RBM26: variants seen among roughly 807,000 people sequenced by gnomAD.
The protein encoded by RBM26 is RNA-binding protein 26.
RBM26 carries 30 observed loss-of-function variants against 123.6 expected under a neutral mutation model. That is an observed-to-expected ratio of 0.24 (90% CI 0.18 to 0.33). RBM26 has a LOEUF of 0.33. Ranked by LOEUF, RBM26 falls within the 10% of genes least tolerant of loss-of-function variation. RBM26 has a pLI of 1.00. For synonymous variants in RBM26, 400 were observed against 404.4 expected (o/e 0.99, Z 0.13); for missense variants, 947 against 1,203.6 (o/e 0.79, Z 3.15).
intron 1 of RBM26, among the ~76,000 whole-genome samples, chr13:79,402,010 T>C (rs1281743609): frequency 7.3e-6 from 1 of 137,040 alleles, no homozygotes; most frequent in South Asian, 2.4e-4. Flanking sequence ...ATTAGATGTT[T>C]AGGTGTCTCT....
intron 1 of RBM26, among the ~76,000 whole-genome samples, chr13:79,399,870 G>A (rs1050775660): frequency 6.6e-6 from 1 of 152,140 alleles, no homozygotes; most frequent in African/African-American, 2.4e-5. Context: ...ATTAAAATAA[G>A]TGAATCCAGA....
intron 21 of RBM26, 28 bp from the exon 22 acceptor site, chr13:79,320,738 T>G: frequency 7.8e-7 from 1 of 1,279,784 alleles, no homozygotes; most frequent in Non-Finnish European, 1.0e-6. Context: ...TTTAGGAATT[T>G]ACCCAAAAAA....
intron 1 of RBM26, among the ~76,000 whole-genome samples, chr13:79,390,124 T>C (rs1190434396): frequency 6.6e-6 from 1 of 152,224 alleles, no homozygotes; most frequent in Non-Finnish European, 1.5e-5. Flanking sequence ...TTGGTTTCTA[T>C]TTCTACACTG....
intron 3 of RBM26, among the ~76,000 whole-genome samples, chr13:79,372,649 G>A (rs1057269149): frequency 1.4e-5 from 2 of 147,392 alleles, no homozygotes; most frequent in East Asian, 3.9e-4. Flanking sequence ...GAATACATTA[G>A]AACTCACCAA....
At chr13:79,391,651 T>G (rs568583470) in intron 1 of RBM26, among the ~76,000 whole-genome samples, 1 of 152,172 alleles carries the variant, frequency 6.6e-6, no homozygotes, top group African/African-American at 2.4e-5. Flanking sequence ...CTCGAACTCT[T>G]GAACTCAAAT....
chr13:79,392,898 C>G (rs1276430071), intron 1 of RBM26, among the ~76,000 whole-genome samples: 1 of 151,722 alleles, frequency 6.6e-6, no homozygotes, highest in African/African-American at 2.4e-5. Context: ...GGTGGAAAGT[C>G]AGGAAGAAAA....
intron 1 of RBM26, among the ~76,000 whole-genome samples, chr13:79,389,056 A>T (rs1813599072): frequency 6.6e-6 from 1 of 152,190 alleles, no homozygotes; most frequent in Admixed American, 6.5e-5. Flanking sequence ...AAATTTTTTT[A>T]TCAACTTTTA....
At chr13:79,334,185 A>G (rs987732075) in intron 20 of RBM26, among the ~76,000 whole-genome samples, 159 bp downstream of exon 20, 5 of 152,228 alleles carry the variant, frequency 3.3e-5, no homozygotes, top group Non-Finnish European at 7.3e-5. Flanking sequence ...TTATAACTGC[A>G]TTAGGACATT....
intron 11 of RBM26, among the ~76,000 whole-genome samples, chr13:79,355,739 A>C (rs535422382): frequency 2.0e-5 from 3 of 152,370 alleles, no homozygotes; most frequent in East Asian, 1.9e-4. Context: ...AATCTGAAGA[A>C]GGCAGTAAAT....
intron 3 of RBM26, among the ~76,000 whole-genome samples, chr13:79,375,076 T>C: frequency 9.8e-6 from 1 of 102,002 alleles, no homozygotes. Context: ...TATATTTATA[T>C]GATATATATA....
Position 79,342,347 on chromosome 13 carries a change from A to G in RBM26, c.2427+317T>C, listed in dbSNP as rs1167873443. Among the ~76,000 whole-genome samples, 4 of 151,712 alleles carry G rather than the reference A, an allele frequency of 2.6e-5. No individual in the cohort carries two copies. In the East Asian group the frequency reaches 7.7e-4, roughly 29 times the overall value. On this transcript the variant is annotated intron_variant, in intron 17 of 21. Transcript: ENST00000438737. ...TGTTATTCATACTTGTCTATTATTA[A>G]CCCTCTATATCACCAACTACTATTA...
At chr13:79,364,985 T>C (rs1054088763) in intron 9 of RBM26, among the ~76,000 whole-genome samples, 6 of 144,490 alleles carry the variant, frequency 4.2e-5, no homozygotes, top group African/African-American at 1.5e-4. Context: ...TACAAATTAC[T>C]AAAAAAAAAA....
intron 9 of RBM26, among the ~76,000 whole-genome samples, chr13:79,363,064 C>T (rs1283341465): frequency 1.3e-5 from 2 of 152,102 alleles, no homozygotes; most frequent in African/African-American, 4.8e-5. Context: ...TGACATCATC[C>T]ATCAAGTTTT....
chr13:79,323,198 A>G (rs1300699397), intron 20 of RBM26, among the ~76,000 whole-genome samples: 4 of 151,032 alleles, frequency 2.6e-5, no homozygotes. Context: ...CATTCAAATT[A>G]GAGTAACATG....
Position 79,322,332 on chromosome 13 carries a change from G to A in RBM26, c.2934+17C>T. The A allele has an allele frequency of 1.4e-6, 2 of 1,474,054 alleles. No individual in the cohort carries two copies. The highest frequency in any genetic ancestry group is 1.3e-5 in the South Asian group (1 of 77,504). 91.3% of individuals were successfully genotyped at this position (1,474,054 alleles called of 1,614,324 possible). The stretch of plus-strand genomic sequence containing the variant: ...GAACGATTAAGGGTAAAAATAAGTG[G>A]AAAAAAAATAACATACTTCTTCTTC... On this transcript the variant is annotated intron_variant, in intron 21 of 21. Transcript: ENST00000438737.
intron 1 of RBM26, among the ~76,000 whole-genome samples, chr13:79,404,621 C>A (rs538013427): frequency 6.6e-6 from 1 of 152,308 alleles, no homozygotes; most frequent in South Asian, 2.1e-4. Context: ...ACACCACAAT[C>A]ACTTCTGCTA....
At chr13:79,314,324 T>C (rs2066989723), downstream of RBM26, 1 of 151,808 alleles carries the variant, frequency 6.6e-6, no homozygotes, top group African/African-American at 2.4e-5. Context: ...AAAATATTTA[T>C]AATCCACAGA....
chr13:79,397,915 G>GA (rs1028794044), intron 1 of RBM26, among the ~76,000 whole-genome samples: 2 of 151,826 alleles, frequency 1.3e-5, no homozygotes, highest in Admixed American at 6.6e-5. Context: ...ACATGTCGCA[G>GA]AAAAAAATAA....
chr13:79,367,389 AG>A (rs1202327866), intron 6 of RBM26, among the ~76,000 whole-genome samples: 1 of 123,338 alleles, frequency 8.1e-6, no homozygotes, highest in South Asian at 2.7e-4. Context: ...CCTGGGGTAT[AG>A]GGGGAGACTC....
Sources: allele counts gnomAD v4.1 joint callset (sites outside exome capture counted in the v4.1 genomes callset), GRCh38; gene constraint gnomAD v4.1.1; transcripts MANE v1.5; gene names NCBI Gene and HGNC (gene_info 2026-07-23, HGNC 2026-07-21).